The following ANKRD11 variants were observed in gnomAD, a reference collection of about 807,000 sequenced individuals.
ANKRD11 encodes the protein ankyrin repeat domain 11.
Under a neutral mutation model 195.7 loss-of-function variants are expected in ANKRD11, and 17 were observed. The observed-to-expected ratio is 0.09, with a 90% CI of 0.06 to 0.13. The LOEUF is 0.13. Among genes scored for constraint, ANKRD11 ranks in the 10% least tolerant of loss-of-function variants. ANKRD11 has a pLI of 1.00. For synonymous variants in ANKRD11, 1,953 were observed against 1,528.1 expected, an observed-to-expected ratio of 1.28 and a Z score of -6.49; for missense variants, 3,735 against 3,566.1, an observed-to-expected ratio of 1.05 and a Z score of -1.21.
At chr16:89,460,933 G>A (rs1011401422) in intron 1 of ANKRD11, among the ~76,000 whole-genome samples, 4 of 146,742 alleles carry the variant, frequency 2.7e-5, no homozygotes, top group East Asian at 4.0e-4. Flanking sequence ...CTTGGACAGT[G>A]ACATTCATAA....
rs200118099 is a variant in ANKRD11, at chr16:89,281,664, C to T, written c.4878G>A (p.Pro1626=). ...GDPKLKEKAK[P]ADDGRKKGLD... Reference sequence around the variant, plus strand: ...GACCCTTCTTCCGCCCGTCGTCTGCCGGCTTCGCCTTCTCCTTGAGCTTGG... The same window carrying T: ...GACCCTTCTTCCGCCCGTCGTCTGCTGGCTTCGCCTTCTCCTTGAGCTTGG... Residue 1626 remains proline (P), a synonymous_variant, in exon 9 of 13, where the codon CCG becomes CCA. Transcript: ENST00000301030. The surrounding 1 kb of genome is among the most constrained non-coding windows in gnomAD (Gnocchi z 5.5). The T allele has an allele frequency of 1.9e-4, 304 of 1,614,168 alleles. No individual in the cohort carries two copies. Among genetic ancestry groups the T allele is most frequent in the Non-Finnish European group, 2.3e-4 (274 of 1,180,018 alleles).
intron 3 of ANKRD11, chr16:89,313,722 C>T (rs915026269): frequency 3.2e-6 from 2 of 629,874 alleles, no homozygotes; most frequent in African/African-American, 3.8e-5. Flanking sequence ...TGAGTTCTGG[C>T]ACTTGGGGCT....
chr16:89,331,341 T>G (rs2038056259), intron 2 of ANKRD11, among the ~76,000 whole-genome samples: 2 of 152,216 alleles, frequency 1.3e-5, no homozygotes, highest in African/African-American at 4.8e-5. Flanking sequence ...AGATGCACAG[T>G]TCACATCATA....
At position 89,273,349 on chromosome 16, in the gene ANKRD11, C is replaced by A. The variant is rs537315401; in HGVS notation, c.7713+1465G>T. Among the ~76,000 whole-genome samples the A allele has an allele frequency of 5.3e-5, 8 of 152,296 alleles. No homozygotes were observed. The East Asian group carries it at 1.5e-3, about 29-fold the overall frequency. On this transcript the variant is annotated intron_variant, in intron 11 of 12. Transcript: ENST00000301030. The stretch of plus-strand genomic sequence containing the variant: ...GCCTCTCACCTGCGGTACAAGAATG[C>A]AAACTTATCAGCATCCAGCCCCCAA...
At chr16:89,331,544 G>C (rs1378242697) in intron 2 of ANKRD11, among the ~76,000 whole-genome samples, 1 of 152,192 alleles carries the variant, frequency 6.6e-6, no homozygotes, top group Non-Finnish European at 1.5e-5. Context: ...GCACATTTAG[G>C]AAAGAGCCTT....
intron 2 of ANKRD11, among the ~76,000 whole-genome samples, chr16:89,370,437 C>T (rs138219583): frequency 6.6e-6 from 1 of 152,290 alleles, no homozygotes; most frequent in East Asian, 1.9e-4. Context: ...TGCCGTTATC[C>T]AGGGCAAAGA....
chr16:89,304,886 G>A (rs539344945), intron 4 of ANKRD11, among the ~76,000 whole-genome samples: 4 of 152,302 alleles, frequency 2.6e-5, no homozygotes, highest in African/African-American at 7.2e-5. Flanking sequence ...TCTCCCTCCC[G>A]TGTCCAGCTG....
At position 89,313,538 on chromosome 16, in the gene ANKRD11, A is replaced by G. The variant is rs1240715808; in HGVS notation, c.87+3395T>C. 2.3e-6 allele frequency: 3 copies of G among 1,289,212 alleles called. No individual in the cohort carries two copies. In the South Asian group the frequency reaches 3.7e-5, roughly 16 times the overall value. 79.9% of individuals were successfully genotyped at this position (1,289,212 alleles called of 1,614,324 possible). ...GATGCACTGCAGAGTTGTGGGCTCCATTTCCATCTTCCACGTATATGTCAC... is the reference window on the plus strand; with the variant it reads ...GATGCACTGCAGAGTTGTGGGCTCCGTTTCCATCTTCCACGTATATGTCAC... On this transcript the variant is annotated intron_variant, in intron 3 of 12. Coordinates refer to ENST00000301030, the MANE Select transcript of ANKRD11 (RefSeq NM_013275.6).
intron 1 of ANKRD11, among the ~76,000 whole-genome samples, chr16:89,448,224 A>T (rs1406236403): frequency 6.8e-6 from 1 of 146,054 alleles, no homozygotes; most frequent in East Asian, 2.5e-4. Context: ...ACAGGAATTC[A>T]GTAAGACTGA....
chr16:89,330,872 C>G (rs936131965), intron 2 of ANKRD11, among the ~76,000 whole-genome samples: 1 of 152,146 alleles, frequency 6.6e-6, no homozygotes, highest in Admixed American at 6.5e-5. Context: ...TGATTAAAAC[C>G]TGGTAATTTG....
chr16:89,290,361 G>T (rs868221566), intron 6 of ANKRD11, among the ~76,000 whole-genome samples: 98 of 53,470 alleles, frequency 1.8e-3, no homozygotes, highest in African/African-American at 7.5e-3. Flanking sequence ...GGGCTCCAAT[G>T]GGGGGAGGCT....
chr16:89,318,238 A>T (rs1291732834), intron 2 of ANKRD11, among the ~76,000 whole-genome samples: 2 of 152,136 alleles, frequency 1.3e-5, no homozygotes, highest in Non-Finnish European at 2.9e-5. Context: ...ACACTCTCGG[A>T]GCATGGGCCT....
intron 2 of ANKRD11, among the ~76,000 whole-genome samples, chr16:89,330,790 C>T (rs1477419846): frequency 2.6e-5 from 4 of 151,414 alleles, no homozygotes; most frequent in South Asian, 2.1e-4. Flanking sequence ...CTGCAGAGAA[C>T]GGTGCTCCAC....
Position 89,267,684 on chromosome 16 carries a change from A to G in ANKRD11, c.*794T>C, listed in dbSNP as rs1187042517. 2.0e-5 allele frequency: 3 copies of G among 152,502 alleles called. No homozygotes were observed. The highest frequency in any genetic ancestry group is 7.2e-5 in the African/African-American group (3 of 41,592). 9.4% of individuals were successfully genotyped at this position (152,502 alleles called of 1,614,324 possible). A position where few individuals can be genotyped will look rare whatever the true frequency, so the allele number is the denominator to read the frequency against. ...ATAACTGAAAGTGATGTTACAGTAC[A>G]TAAGTTATTTACAACTGTGCAGTAA... is the stretch of plus-strand genomic sequence containing the variant. On this transcript the variant is annotated 3_prime_UTR_variant, in exon 13 of 13. Transcript: ENST00000301030.
chr16:89,304,426 AG>A (rs559987925), intron 4 of ANKRD11, among the ~76,000 whole-genome samples: 5 of 151,688 alleles, frequency 3.3e-5, no homozygotes, highest in Non-Finnish European at 5.9e-5. Flanking sequence ...ACATATATAC[AG>A]GCACACACAG....
chr16:89,414,603 C>T (rs2042220874), intron 2 of ANKRD11, among the ~76,000 whole-genome samples: 1 of 152,172 alleles, frequency 6.6e-6, no homozygotes, highest in South Asian at 2.1e-4. Flanking sequence ...ACAGTAGATA[C>T]GACCGTGACC....
At chr16:89,304,676 A>C (rs2036070172) in intron 4 of ANKRD11, among the ~76,000 whole-genome samples, 1 of 151,984 alleles carries the variant, frequency 6.6e-6, no homozygotes, top group Non-Finnish European at 1.5e-5. Context: ...ACATGGGCAC[A>C]CATACACACA....
chr16:89,345,100 C>T (rs1405753546), intron 2 of ANKRD11, among the ~76,000 whole-genome samples: 5 of 151,978 alleles, frequency 3.3e-5, no homozygotes, highest in African/African-American at 9.7e-5. Flanking sequence ...AACTGCTTCA[C>T]GGCCTGAAAG....
intron 1 of ANKRD11, among the ~76,000 whole-genome samples, chr16:89,446,001 TAAAA>T (rs756294025): frequency 8.2e-6 from 1 of 121,438 alleles, no homozygotes; most frequent in Non-Finnish European, 1.8e-5. Flanking sequence ...AATTTTTTGT[TAAAA>T]AAAAAAAAAA....
Sources: gnomAD v4.1 joint callset for allele counts (sites outside exome capture counted in the v4.1 genomes callset) on GRCh38, gnomAD v4.1.1 for gene constraint, Gnocchi (gnomAD v3.1) non-coding constraint, MANE v1.5 for transcripts, NCBI Gene and HGNC (gene_info 2026-07-23, HGNC 2026-07-21) for gene names.